LINGO1: variants seen among roughly 807,000 people sequenced by gnomAD.
LINGO1 encodes the protein leucine-rich repeat and immunoglobulin-like domain-containing nogo receptor-interacting protein 1.
A neutral mutation model predicts 37.3 loss-of-function variants in LINGO1; 11 were observed. The ratio of observed to expected loss-of-function variants is 0.29; its 90% CI spans 0.19 to 0.49. LINGO1 has a LOEUF of 0.49. Ranked by LOEUF, LINGO1 falls within the 20% of genes least tolerant of loss-of-function variation. The pLI, the probability that LINGO1 is intolerant of heterozygous loss-of-function variation, is 0.99. For missense variants in LINGO1, 585 were observed against 878.2 expected (o/e 0.67, Z 4.22); for synonymous variants, 387 against 403.0 (o/e 0.96, Z 0.48).
intron 1 of LINGO1, among the ~76,000 whole-genome samples, chr15:77,808,208 C>T (rs1008905426): frequency 2.3e-4 from 35 of 152,190 alleles, no homozygotes. Context: ...CCACTGCAGG[C>T]TGGCACTGGA....
At chr15:77,793,774 G>A (rs1043563957) in intron 2 of LINGO1, among the ~76,000 whole-genome samples, 5 of 152,156 alleles carry the variant, frequency 3.3e-5, no homozygotes, top group Non-Finnish European at 5.9e-5. Flanking sequence ...AGTGTAAAAG[G>A]CAAGTTAGAA....
chr15:77,791,752 A>G (rs1274742429), upstream of LINGO1, among the ~76,000 whole-genome samples: 2 of 152,096 alleles, frequency 1.3e-5, no homozygotes, highest in African/African-American at 2.4e-5. Flanking sequence ...GATTAGGCCT[A>G]GTACCAGCCT....
In LINGO1 at chr15:77,718,767, C is replaced by T. The variant is rs80302639; in HGVS notation, c.-195+16225G>A. 1.6e-3 allele frequency among the ~76,000 whole-genome samples: 238 copies of T among 150,960 alleles called. 13 individuals are homozygous for T. The highest frequency in any genetic ancestry group is 3.5e-3 in the Admixed American group (53 of 15,138). ...TCAGGATGCCTGGGCTCTGTGCCTG[C>T]CCCAGCCCCTGGTTCCCAGCTGTGT... On this transcript the variant is annotated intron_variant, in intron 2 of 3. Coordinates refer to the LINGO1 transcript ENST00000561686.
At chr15:77,638,515 G>A (rs527854508), upstream of LINGO1, among the ~76,000 whole-genome samples, 8 of 152,234 alleles carry the variant, frequency 5.3e-5, no homozygotes, top group Non-Finnish European at 1.2e-4. Flanking sequence ...CTGTCCCCAT[G>A]GATCATGTCA....
Position 77,632,487 on chromosome 15 carries a change from G to A in LINGO1, c.-172C>T. 2 of 583,106 alleles carry A rather than the reference G, an allele frequency of 3.4e-6. No individual in the cohort carries two copies. The highest frequency in any genetic ancestry group is 4.9e-6 in the Non-Finnish European group (2 of 406,446). 36.1% of individuals were successfully genotyped at this position (583,106 alleles called of 1,614,324 possible). ...GGCTGGCTGTCCGTCTGTCCGCCCC[G>A]CGCGGGCGGGAGCCGAGCCGGAGCC... is the stretch of plus-strand genomic sequence containing the variant. On this transcript the variant is annotated 5_prime_UTR_variant, in exon 1 of 2. Coordinates refer to ENST00000355300, the MANE Select transcript of LINGO1 (RefSeq NM_032808.7). This position sits in a 1 kb window ranked among gnomAD's most constrained non-coding sequence, Gnocchi z 6.0.
chr15:77,674,056 C>T (rs894311383), intron 3 of LINGO1, among the ~76,000 whole-genome samples: 4 of 152,014 alleles, frequency 2.6e-5, no homozygotes, highest in Non-Finnish European at 5.9e-5. Flanking sequence ...ACCACTGAAC[C>T]ACTCCTCTCC....
At chr15:77,731,921 C>T (rs1486985648) in intron 2 of LINGO1, among the ~76,000 whole-genome samples, 1 of 152,122 alleles carries the variant, frequency 6.6e-6, no homozygotes, top group Non-Finnish European at 1.5e-5. Flanking sequence ...CCTCCCCCAC[C>T]ACAACCACAG....
At chr15:77,702,815 A>G (rs1047524783) in intron 2 of LINGO1, among the ~76,000 whole-genome samples, 9 of 152,204 alleles carry the variant, frequency 5.9e-5, no homozygotes, top group African/African-American at 1.9e-4. Context: ...CAGCAGCTTC[A>G]GCGGCATGGC....
intron 3 of LINGO1, among the ~76,000 whole-genome samples, chr15:77,672,394 T>G (rs1170174759): frequency 6.6e-6 from 1 of 152,222 alleles, no homozygotes; most frequent in Non-Finnish European, 1.5e-5. Context: ...AGATGTTAGC[T>G]GTAAACTTAA....
Position 77,810,465 on chromosome 15 carries a change from T to C in LINGO1, c.-458+9793A>G, listed in dbSNP as rs1259285917. Among the ~76,000 whole-genome samples the C allele has an allele frequency of 2.0e-5, 3 of 152,196 alleles. No individual in the cohort carries two copies. The East Asian group carries it at 5.8e-4, about 29-fold the overall frequency. On this transcript the variant is annotated intron_variant, in intron 1 of 5. Transcript: ENST00000562933. ...GGATGACTGGCAGCCCTTCCGCAGC[T>C]GATCCAGCCTCCCGGCTCTGTACCC... is the stretch of plus-strand genomic sequence containing the variant.
intron 2 of LINGO1, among the ~76,000 whole-genome samples, chr15:77,690,423 TCA>T (rs2075583620): frequency 6.6e-6 from 1 of 152,220 alleles, no homozygotes; most frequent in Non-Finnish European, 1.5e-5. Context: ...CATGGAGCCA[TCA>T]CCAAGGAGAG....
At chr15:77,735,545 A>G (rs867375765) in intron 1 of LINGO1, among the ~76,000 whole-genome samples, 1 of 152,210 alleles carries the variant, frequency 6.6e-6, no homozygotes, top group African/African-American at 2.4e-5. Context: ...ACCTGGGCCC[A>G]GTCTCAGCTT....
chr15:77,750,015 C>T (rs2076354951), intron 1 of LINGO1, among the ~76,000 whole-genome samples: 1 of 152,200 alleles, frequency 6.6e-6, no homozygotes. Flanking sequence ...AGTTAAGACA[C>T]ATGGATTTGA....
At chr15:77,724,194 C>T (rs2076079726) in intron 2 of LINGO1, among the ~76,000 whole-genome samples, 1 of 152,190 alleles carries the variant, frequency 6.6e-6, no homozygotes. Context: ...CTCCAGGTAC[C>T]CCCATCCCAG....
chr15:77,757,823 C>A (rs945046619), intron 1 of LINGO1, among the ~76,000 whole-genome samples: 4 of 152,218 alleles, frequency 2.6e-5, no homozygotes, highest in Admixed American at 6.5e-5. Flanking sequence ...CAGTCCCCAG[C>A]CCTGGCCCAG....
chr15:77,740,055 G>A (rs2076247231), intron 1 of LINGO1, among the ~76,000 whole-genome samples: 1 of 152,264 alleles, frequency 6.6e-6, no homozygotes, highest in Non-Finnish European at 1.5e-5. Flanking sequence ...TGGCTGTAAA[G>A]CCTGGTGGCA....
chr15:77,648,708 A>G (rs1195241535), intron 3 of LINGO1: 4 of 152,218 alleles, frequency 2.6e-5, no homozygotes, highest in Admixed American at 2.6e-4. Flanking sequence ...AGGTAGAATA[A>G]ATGAAGTGGC....
chr15:77,636,950 C>A (rs114213072), upstream of LINGO1, among the ~76,000 whole-genome samples: 254 of 152,298 alleles, frequency 1.7e-3, 1 homozygote, highest in African/African-American at 5.9e-3. Context: ...AGGGGGCTAG[C>A]GGGACAGTCC....
At chr15:77,630,282 C>T (rs545817372) in intron 1 of LINGO1, among the ~76,000 whole-genome samples, 1 of 152,250 alleles carries the variant, frequency 6.6e-6, no homozygotes, top group South Asian at 2.1e-4. Context: ...TATCTCCCAA[C>T]AGGAACACGC....
Sources: allele counts gnomAD v4.1 joint callset (sites outside exome capture counted in the v4.1 genomes callset), GRCh38; gene constraint gnomAD v4.1.1; non-coding constraint Gnocchi (gnomAD v3.1); transcripts MANE v1.5; gene names NCBI Gene and HGNC (gene_info 2026-07-23, HGNC 2026-07-21).